Variants in SNRPN observed in about 807,000 individuals in gnomAD.
The protein encoded by SNRPN is small nuclear ribonucleoprotein polypeptide N.
SNRPN carries 7 observed loss-of-function variants against 25.2 expected under a neutral mutation model. The observed-to-expected ratio is 0.28, with a 90% CI of 0.16 to 0.52. The LOEUF is 0.52. Ranked by LOEUF, SNRPN falls within the 20% of genes least tolerant of loss-of-function variation. The pLI is 0.96. For missense variants in SNRPN, 196 were observed against 322.5 expected, an observed-to-expected ratio of 0.61 and a Z score of 3.00; for synonymous variants, 124 against 110.6, an observed-to-expected ratio of 1.12 and a Z score of -0.76.
chr15:24,835,138 ATATACTATATATAAAATATATAG>A (rs1266829033), intron 2 of SNRPN, among the ~76,000 whole-genome samples: 1,205 of 68,160 alleles, frequency 0.018, 190 homozygotes, highest in African/African-American at 0.051. Context: ...ATATAGATAT[ATATACTATATATAAAATATATAG>A]TATATATATG....
At chr15:24,959,991 A>G (rs765346592) in intron 1 of SNRPN, among the ~76,000 whole-genome samples, 9 of 152,136 alleles carry the variant, frequency 5.9e-5, no homozygotes, top group Non-Finnish European at 1.3e-4. Context: ...CTGTCTGGGC[A>G]TGGTGGCTCA....
rs545082050 is a variant in SNRPN at position 24,833,441 on chromosome 15, C to T, written c.-579+3536C>T. 4.0e-4 allele frequency among the ~76,000 whole-genome samples: 60 copies of T among 151,754 alleles called. 1 individual carries two copies. The South Asian group carries it at 0.012, about 29-fold the overall frequency. On this transcript the variant is annotated intron_variant, in intron 2 of 12. Transcript: ENST00000400100. ...AATACGTAGGTGTTAAACTAATGCA[C>T]GGATTAAACTATAAGGGCAAAGAAA...
intron 1 of SNRPN, among the ~76,000 whole-genome samples, chr15:24,876,097 T>G (rs921854709): frequency 6.6e-6 from 1 of 151,562 alleles, no homozygotes; most frequent in African/African-American, 2.4e-5. Context: ...ATTTTAAAAA[T>G]AAGGAGTGTT....
intron 2 of SNRPN, among the ~76,000 whole-genome samples, chr15:24,894,194 C>A (rs1017908862): frequency 6.6e-6 from 1 of 151,870 alleles, no homozygotes; most frequent in Non-Finnish European, 1.5e-5. Flanking sequence ...TACGCCCCAT[C>A]AAGTGGAAAA....
intron 2 of SNRPN, among the ~76,000 whole-genome samples, chr15:24,894,187 G>A (rs1001118775): frequency 4.0e-5 from 6 of 151,492 alleles, no homozygotes; most frequent in South Asian, 2.1e-4. Context: ...CAACTTGTAC[G>A]CCCCATCAAG....
chr15:24,910,971 GT>G, intron 2 of SNRPN: 1 of 1,028,178 alleles, frequency 9.7e-7, no homozygotes. Context: ...CAAAACCACT[GT>G]TGGCACATGG....
intron 2 of SNRPN, among the ~76,000 whole-genome samples, chr15:24,844,984 A>G (rs1479742098): frequency 6.6e-6 from 1 of 152,136 alleles, no homozygotes; most frequent in Non-Finnish European, 1.5e-5. Context: ...TTTTATATCT[A>G]GTGCAAAAAA....
intron 3 of SNRPN, among the ~76,000 whole-genome samples, chr15:24,948,173 G>T (rs1305851071): frequency 2.0e-5 from 3 of 152,092 alleles, no homozygotes; most frequent in Non-Finnish European, 4.4e-5. Flanking sequence ...CAGTGCAGTG[G>T]CATGATCTTG....
chr15:24,884,553 T>C (rs2057018214), intron 1 of SNRPN, among the ~76,000 whole-genome samples: 1 of 152,192 alleles, frequency 6.6e-6, no homozygotes, highest in South Asian at 2.1e-4. Context: ...ACCACTGTGC[T>C]GGTATGTAGA....
chr15:24,921,924 C>T (rs1018150695), intron 3 of SNRPN, among the ~76,000 whole-genome samples: 4 of 151,718 alleles, frequency 2.6e-5, no homozygotes, highest in African/African-American at 9.7e-5. Context: ...ACAGACCGGG[C>T]ACGGTGGCTC....
chr15:24,876,807 A>G (rs2055944126), intron 1 of SNRPN, among the ~76,000 whole-genome samples: 3 of 152,130 alleles, frequency 2.0e-5, no homozygotes, highest in Non-Finnish European at 4.4e-5. Flanking sequence ...ATAACAAAGG[A>G]TGATTAGTAT....
chr15:24,962,077 C>A (rs1187668501), intron 1 of SNRPN, 37 bp from the exon 2 acceptor site: 16 of 1,471,630 alleles, frequency 1.1e-5, no homozygotes, highest in Non-Finnish European at 1.5e-5. Context: ...TAGATTGATG[C>A]AGTCTACCAA....
chr15:24,832,779 C>T (rs1430433068), intron 2 of SNRPN, among the ~76,000 whole-genome samples: 4 of 151,924 alleles, frequency 2.6e-5, no homozygotes, highest in African/African-American at 7.3e-5. Flanking sequence ...CACAGACTTG[C>T]TGCAGCTGTA....
rs1566910670 is a variant in SNRPN, at chr15:24,918,933, GCGCACATATATATAACATAATATATA to G, written c.-504-1077_-504-1052del. On this transcript the variant is annotated intron_variant, in intron 2 of 11. Coordinates refer to the SNRPN transcript ENST00000400097. ...CATATATATAACATAATATATATAT[GCGCACATATATATAACATAATATATA>G]TGCGCGCATATATATATAACATAAT... 6.1e-4 allele frequency among the ~76,000 whole-genome samples: 43 copies of G among 70,184 alleles called. 6 individuals carry two copies. The highest frequency in any genetic ancestry group is 1.4e-3 in the Admixed American group (9 of 6,318). 46.0% of individuals were successfully genotyped at this position (70,184 alleles called of 152,430 possible).
chr15:24,940,308 C>G (rs78140648), intron 3 of SNRPN, among the ~76,000 whole-genome samples: 2 of 152,026 alleles, frequency 1.3e-5, no homozygotes, highest in African/African-American at 4.8e-5. Flanking sequence ...TGTTATGAAG[C>G]GTTTTTTCCT....
At chr15:24,881,594 AGAGAGAGAGAGAGAGAGAGAGAGAG>A (rs1566864473) in intron 1 of SNRPN, among the ~76,000 whole-genome samples, 3,879 of 66,992 alleles carry the variant, frequency 0.058, 93 homozygotes, top group Middle Eastern at 0.15. Flanking sequence ...GGAGAGAGAG[AGAGAGAGAGAGAGAGAGAGAGAGAG>A]AAAGTCACAG....
At chr15:24,847,183 T>C (rs2052279621) in intron 2 of SNRPN, among the ~76,000 whole-genome samples, 1 of 152,044 alleles carries the variant, frequency 6.6e-6, no homozygotes, top group South Asian at 2.1e-4. Context: ...AAATACCTGC[T>C]ACACTGTGGT....
intron 1 of SNRPN, among the ~76,000 whole-genome samples, chr15:24,827,823 C>T (rs189132656): frequency 1.3e-5 from 2 of 150,416 alleles, no homozygotes; most frequent in African/African-American, 4.9e-5. Flanking sequence ...GCCAAGACTG[C>T]ACCACTGCAC....
intron 3 of SNRPN, among the ~76,000 whole-genome samples, chr15:24,949,116 G>T (rs1297885301): frequency 6.8e-6 from 1 of 147,126 alleles, no homozygotes; most frequent in Non-Finnish European, 1.5e-5. Context: ...CCGTCTCCTG[G>T]GTTCAAGTGA....
Sources: allele counts gnomAD v4.1 joint callset (sites outside exome capture counted in the v4.1 genomes callset), GRCh38; gene constraint gnomAD v4.1.1; transcripts MANE v1.5; gene names NCBI Gene and HGNC (gene_info 2026-07-23, HGNC 2026-07-21).